Variants in SLC25A21 observed in about 807,000 individuals in gnomAD.
SLC25A21 encodes mitochondrial 2-oxodicarboxylate carrier.
SLC25A21 carries 47 observed loss-of-function variants against 43.8 expected under a neutral mutation model. The ratio of observed to expected loss-of-function variants is 1.07; its 90% CI spans 0.85 to 1.37. The LOEUF is 1.37. Ranked by LOEUF, SLC25A21 falls within the 40% of genes most tolerant of loss-of-function variation. SLC25A21 has a pLI of 0.00. For missense variants in SLC25A21, 352 were observed against 350.2 expected (o/e 1.00, Z -0.04); for synonymous variants, 131 against 121.3 (o/e 1.08, Z -0.52).
chr14:36,913,964 T>A (rs755314339), intron 1 of SLC25A21, among the ~76,000 whole-genome samples: 1 of 152,182 alleles, frequency 6.6e-6, no homozygotes, highest in Non-Finnish European at 1.5e-5. Context: ...CATAGCATAA[T>A]TGCTAAGTTG....
At position 36,718,429 on chromosome 14, in the gene SLC25A21, G is replaced by C. The variant is rs143924165; in HGVS notation, c.439-6947C>G. On this transcript the variant is annotated intron_variant, in intron 6 of 9. Coordinates refer to ENST00000331299, the MANE Select transcript of SLC25A21 (RefSeq NM_030631.4). ...TGAACTTAACCCAATACATCATCAT[G>C]AATGTTGACATGCCCTTGAAGCTGG... is the stretch of plus-strand genomic sequence containing the variant. 4.1e-3 allele frequency among the ~76,000 whole-genome samples: 618 copies of C among 152,284 alleles called. 3 individuals carry two copies. The highest frequency in any genetic ancestry group is 0.017 in the Middle Eastern group (5 of 294).
intron 1 of SLC25A21, among the ~76,000 whole-genome samples, chr14:36,962,822 T>G (rs2138676134): frequency 6.6e-6 from 1 of 152,352 alleles, no homozygotes; most frequent in East Asian, 1.9e-4. Context: ...CCTTTAAGGA[T>G]AACAGTCTCT....
Position 37,172,284 on chromosome 14 carries a change from C to A in SLC25A21, c.67G>T (p.Ala23Ser). Reference protein sequence around the residue: ...ASRQIVAGGSAGLVEICLMHP... With the variant: ...ASRQIVAGGSSGLVEICLMHP... ...GGGCAGGGCGGGCTGTCCTTACCTG[C>A]AGAACCACCGGCCACGATCTGCCGA... Residue 23 changes from alanine (A) to serine (S), a missense_variant, in exon 1 of 10, where the codon GCA (alanine) becomes TCA (serine). Coordinates refer to ENST00000331299, the MANE Select transcript of SLC25A21 (RefSeq NM_030631.4). 6.3e-7 allele frequency: 1 copy of A among 1,596,022 alleles called. No homozygotes were observed.
chr14:36,984,529 C>A (rs1960102176), intron 1 of SLC25A21, among the ~76,000 whole-genome samples: 1 of 149,130 alleles, frequency 6.7e-6, no homozygotes, highest in Non-Finnish European at 1.5e-5. Context: ...TTTAAAATGC[C>A]ATCATTTGCT....
chr14:37,168,745 C>A (rs1233967344), intron 1 of SLC25A21, among the ~76,000 whole-genome samples: 1 of 152,062 alleles, frequency 6.6e-6, no homozygotes, highest in Non-Finnish European at 1.5e-5. Flanking sequence ...CAACAAAAAA[C>A]CCAGCAGTCA....
intron 2 of SLC25A21, among the ~76,000 whole-genome samples, chr14:36,851,343 T>C (rs532939002): frequency 9.2e-5 from 14 of 152,192 alleles, no homozygotes; most frequent in South Asian, 2.1e-4. Context: ...TCTGAGAAAA[T>C]TGATCAGAAT....
At chr14:37,030,330 A>C (rs1291941028) in intron 1 of SLC25A21, among the ~76,000 whole-genome samples, 1 of 152,114 alleles carries the variant, frequency 6.6e-6, no homozygotes, top group Non-Finnish European at 1.5e-5. Flanking sequence ...ATCCACACAG[A>C]AATAGACCTG....
chr14:37,165,271 G>T (rs1483192886), intron 1 of SLC25A21, among the ~76,000 whole-genome samples: 1 of 152,050 alleles, frequency 6.6e-6, no homozygotes, highest in Non-Finnish European at 1.5e-5. Context: ...CAGCTACTCA[G>T]AAGGCTGAGG....
intron 1 of SLC25A21, among the ~76,000 whole-genome samples, chr14:37,165,005 T>C (rs2073190098): frequency 6.6e-6 from 1 of 152,148 alleles, no homozygotes; most frequent in South Asian, 2.1e-4. Context: ...ACTAAAACAA[T>C]GAATTTAAAT....
At chr14:36,987,283 G>GT (rs1226429624) in intron 1 of SLC25A21, among the ~76,000 whole-genome samples, 8 of 152,080 alleles carry the variant, frequency 5.3e-5, no homozygotes, top group Non-Finnish European at 1.2e-4. Context: ...TTAGAGTTAA[G>GT]TTCCCTGGTC....
intron 1 of SLC25A21, among the ~76,000 whole-genome samples, chr14:37,127,545 C>T (rs1030983825): frequency 4.6e-5 from 7 of 152,106 alleles, no homozygotes; most frequent in African/African-American, 1.7e-4. Context: ...GGCGAAAGCT[C>T]GAAAGAGTGT....
At chr14:36,841,110 A>G (rs928460836) in intron 2 of SLC25A21, among the ~76,000 whole-genome samples, 1 of 152,242 alleles carries the variant, frequency 6.6e-6, no homozygotes, top group Non-Finnish European at 1.5e-5. Context: ...TTCTTGGAGT[A>G]TAACTGAAGT....
chr14:37,119,553 T>TAA (rs200108776), intron 1 of SLC25A21, among the ~76,000 whole-genome samples: 3 of 111,162 alleles, frequency 2.7e-5, no homozygotes, highest in African/African-American at 8.4e-5. Flanking sequence ...TGAGACACCA[T>TAA]AAAAAAAAAG....
chr14:36,758,590 C>CAAAAAAAAA (rs11314165), intron 3 of SLC25A21, among the ~76,000 whole-genome samples: 3 of 127,702 alleles, frequency 2.3e-5, no homozygotes, highest in Non-Finnish European at 4.8e-5. Context: ...TCAGCCAGGT[C>CAAAAAAAAA]AAAAAAAAAA....
intron 4 of SLC25A21, among the ~76,000 whole-genome samples, chr14:36,732,604 T>C (rs1884874320): frequency 6.6e-6 from 1 of 152,172 alleles, no homozygotes; most frequent in Non-Finnish European, 1.5e-5. Flanking sequence ...TTTCTAATTA[T>C]GGTAATGATT....
chr14:36,953,383 C>T (rs1959239313), intron 1 of SLC25A21, among the ~76,000 whole-genome samples: 1 of 152,052 alleles, frequency 6.6e-6, no homozygotes, highest in African/African-American at 2.4e-5. Context: ...TTTAGTCATA[C>T]ATCTCACTAT....
chr14:36,678,949 T>TAAAG lies in SLC25A21; in HGVS notation c.*1705_*1708dup. 2 of 982,228 alleles carry TAAAG rather than the reference T, an allele frequency of 2.0e-6. No individual in the cohort carries two copies. Among genetic ancestry groups the TAAAG allele is most frequent in the African/African-American group, 1.7e-5 (1 of 57,294 alleles). 60.8% of individuals were successfully genotyped at this position (982,228 alleles called of 1,614,324 possible). ...TAGGATGGATTAAAGGGTTAACTTTTAAAGATTATTATTGGTTAATGTTGA... is the reference window on the plus strand; with the variant it reads ...TAGGATGGATTAAAGGGTTAACTTTTAAAGAAAGATTATTATTGGTTAATGTTGA... On this transcript the variant is annotated 3_prime_UTR_variant, in exon 10 of 10. Coordinates refer to ENST00000331299, the MANE Select transcript of SLC25A21 (RefSeq NM_030631.4).
At chr14:37,104,541 C>T (rs894086349) in intron 1 of SLC25A21, among the ~76,000 whole-genome samples, 1 of 152,106 alleles carries the variant, frequency 6.6e-6, no homozygotes, top group Non-Finnish European at 1.5e-5. Flanking sequence ...TTCTAATCAA[C>T]ATAATACGAA....
At chr14:36,737,381 G>A (rs1885084948) in intron 3 of SLC25A21, among the ~76,000 whole-genome samples, 1 of 152,192 alleles carries the variant, frequency 6.6e-6, no homozygotes, top group African/African-American at 2.4e-5. Flanking sequence ...TCTGCTTTGT[G>A]TTGACGATGC....
Sources: allele counts gnomAD v4.1 joint callset (sites outside exome capture counted in the v4.1 genomes callset), GRCh38; gene constraint gnomAD v4.1.1; transcripts MANE v1.5; gene names NCBI Gene and HGNC (gene_info 2026-07-23, HGNC 2026-07-21).